Variants in FAM153A observed in about 807,000 individuals in gnomAD.
FAM153A encodes the protein protein FAM153A.
FAM153A carries 12 observed loss-of-function variants against 48.1 expected under a neutral mutation model. The observed-to-expected ratio is 0.25, with a 90% CI of 0.16 to 0.40. The LOEUF is 0.40. FAM153A is among the 10% of genes least tolerant of loss of function. The pLI is 1.00. For missense variants in FAM153A, 111 were observed against 345.8 expected, an observed-to-expected ratio of 0.32 and a Z score of 5.38; for synonymous variants, 36 against 118.2, an observed-to-expected ratio of 0.30 and a Z score of 4.51.
Position 177,734,047 on chromosome 5 carries a change from C to T in FAM153A, c.760+333G>A, listed in dbSNP as rs1764291871. On this transcript the variant is annotated intron_variant, in intron 14 of 20. Coordinates refer to ENST00000614127, the Ensembl canonical transcript of FAM153A. The stretch of plus-strand genomic sequence containing the variant: ...TGGAAATCTCTGTTGAGAATGTGGA[C>T]ACTAGAAAATCCGGGGATATGTAGT... 2.6e-5 allele frequency among the ~76,000 whole-genome samples: 3 copies of T among 116,448 alleles called. 1 individual carries two copies. The South Asian group carries it at 9.6e-4, about 37-fold the overall frequency. The allele number at this position is 116,448 out of a possible 152,430, so 76.4% of individuals were successfully genotyped here.
downstream of FAM153A, among the ~76,000 whole-genome samples, chr5:177,708,559 A>G (rs1326625726): frequency 6.6e-6 from 1 of 151,668 alleles, no homozygotes; most frequent in Non-Finnish European, 1.5e-5. Context: ...CCTGGGCAAC[A>G]AGAGCGAAAC....
In FAM153A at chr5:177,766,178, A is replaced by AAAGACAAG. The variant is rs1216765852; in HGVS notation, c.-57+14263_-57+14270dup. Among the ~76,000 whole-genome samples the AAAGACAAG allele has an allele frequency of 2.8e-5, 3 of 106,806 alleles. 1 individual carries two copies. The East Asian group carries it at 9.6e-4, about 34-fold the overall frequency. 70.1% of individuals were successfully genotyped at this position (106,806 alleles called of 152,430 possible). A position where few individuals can be genotyped will look rare whatever the true frequency, so the allele number is the denominator to read the frequency against. On this transcript the variant is annotated intron_variant, in intron 1 of 8. Coordinates refer to the FAM153A transcript ENST00000393518. ...TGCCAATAGGATAAAAAAAAAAAAG[A>AAAGACAAG]AAGACAAGTACTGAGCTTCAAAATG...
At position 177,770,712 on chromosome 5, in the gene FAM153A, T is replaced by C; in HGVS notation, c.-57+9737A>G. On this transcript the variant is annotated intron_variant, in intron 1 of 8. Transcript: ENST00000393518. The stretch of plus-strand genomic sequence containing the variant: ...GTCCAAATTCACAGAATGTACAGTA[T>C]TAAGAATGGAGCCTGATGTCAACTA... Among the ~76,000 whole-genome samples, 2 of 96,216 alleles carry C rather than the reference T, an allele frequency of 2.1e-5. 1 individual carries two copies. The highest frequency in any genetic ancestry group is 4.3e-5 in the Non-Finnish European group (2 of 46,592). The allele number at this position is 96,216 out of a possible 152,430, so 63.1% of individuals were successfully genotyped here. A position where few individuals can be genotyped will look rare whatever the true frequency, so the allele number is the denominator to read the frequency against.
chr5:177,758,976 GGATCTAATTAAACTAAAGA>G (rs1768031660), intron 1 of FAM153A, among the ~76,000 whole-genome samples: 1 of 151,716 alleles, frequency 6.6e-6, no homozygotes, highest in South Asian at 2.1e-4. Context: ...TTAACAAATG[GGATCTAATTAAACTAAAGA>G]GCTTCTGCAC....
At chr5:177,710,665 A>AT (rs1758332596), downstream of FAM153A, among the ~76,000 whole-genome samples, 1 of 145,520 alleles carries the variant, frequency 6.9e-6, no homozygotes, top group Non-Finnish European at 1.5e-5. Flanking sequence ...TAATCCCAGC[A>AT]TTTTGGGAGG....
chr5:177,769,316 T>G (rs1273923263), intron 1 of FAM153A, among the ~76,000 whole-genome samples: 2 of 96,520 alleles, frequency 2.1e-5, no homozygotes, highest in East Asian at 3.1e-4. Context: ...AGTATAATTT[T>G]TTATTTTATT....
At chr5:177,755,883 G>A (rs1767676771), upstream of FAM153A, among the ~76,000 whole-genome samples, 1 of 150,124 alleles carries the variant, frequency 6.7e-6, no homozygotes, top group Admixed American at 6.6e-5. Flanking sequence ...GTAAAACCAT[G>A]CCAAATTGTA....
chr5:177,710,541 C>T (rs1321902212), downstream of FAM153A, among the ~76,000 whole-genome samples: 11 of 151,194 alleles, frequency 7.3e-5, 1 homozygote, highest in Admixed American at 2.6e-4. Flanking sequence ...TTTTGTGATC[C>T]GTGTTCAAAA....
chr5:177,699,007 C>T, the FAM153A span, among the ~76,000 whole-genome samples: 1 of 151,646 alleles, frequency 6.6e-6, no homozygotes, highest in Non-Finnish European at 1.5e-5. Flanking sequence ...CACTATATTC[C>T]CTAGGCTGGT....
downstream of FAM153A, among the ~76,000 whole-genome samples, chr5:177,704,855 C>CT (rs1260716526): frequency 2.0e-5 from 3 of 151,346 alleles, no homozygotes; most frequent in African/African-American, 7.4e-5. Flanking sequence ...AAAAAATCAG[C>CT]TGGACATGGT....
chr5:177,715,566 C>T (rs1174901255), intron 25 of FAM153A, among the ~76,000 whole-genome samples: 10 of 151,448 alleles, frequency 6.6e-5, no homozygotes, highest in Non-Finnish European at 1.2e-4. Context: ...AGGTTCACTC[C>T]ACATCCTGTC....
At chr5:177,759,220 C>G (rs1056738191) in intron 1 of FAM153A, among the ~76,000 whole-genome samples, 6 of 151,808 alleles carry the variant, frequency 4.0e-5, no homozygotes, top group Non-Finnish European at 5.9e-5. Flanking sequence ...TGAAAAAATG[C>G]TCATCATCAC....
At chr5:177,705,666 T>C (rs1409296152), downstream of FAM153A, among the ~76,000 whole-genome samples, 1 of 135,342 alleles carries the variant, frequency 7.4e-6, no homozygotes, top group Non-Finnish European at 1.6e-5. Flanking sequence ...TTCTTTTTTT[T>C]TTTTTTTTTT....
intron 18 of FAM153A, among the ~76,000 whole-genome samples, chr5:177,728,645 G>T (rs904690): frequency 6.8e-6 from 1 of 146,968 alleles, no homozygotes; most frequent in Non-Finnish European, 1.5e-5. Flanking sequence ...TTGGCTCACC[G>T]CAACCTCTAC....
chr5:177,709,725 C>T (rs1177977458), downstream of FAM153A, among the ~76,000 whole-genome samples: 1 of 120,578 alleles, frequency 8.3e-6, no homozygotes, highest in African/African-American at 3.2e-5. Context: ...GGCCAGAGTG[C>T]GGTGGCACAA....
intron 1 of FAM153A, chr5:177,753,126 T>C (rs752930647): frequency 4.6e-6 from 7 of 1,538,142 alleles, no homozygotes; most frequent in Non-Finnish European, 6.2e-6. Flanking sequence ...ACAGGAAAAC[T>C]GGCTCATCTG....
chr5:177,761,520 T>C (rs954939456), intron 1 of FAM153A, among the ~76,000 whole-genome samples: 3 of 151,556 alleles, frequency 2.0e-5, no homozygotes, highest in African/African-American at 4.9e-5. Context: ...CCTGGGCAAC[T>C]GTCCCCTGTG....
At chr5:177,712,597 C>T (rs547862528) in exon 27 of FAM153A, 14 of 151,878 alleles carry the variant, frequency 9.2e-5, no homozygotes, top group African/African-American at 3.1e-4. Context: ...TGGTATACCA[C>T]GTGGTTACTG....
At chr5:177,695,911 C>CG in the FAM153A span, among the ~76,000 whole-genome samples, 1 of 109,852 alleles carries the variant, frequency 9.1e-6, no homozygotes, top group Non-Finnish European at 1.8e-5. Flanking sequence ...ACTTCCCAGA[C>CG]AGGGTGGCCG....
Sources: allele counts gnomAD v4.1 joint callset (sites outside exome capture counted in the v4.1 genomes callset), GRCh38; gene constraint gnomAD v4.1.1; transcripts MANE v1.5; gene names NCBI Gene and HGNC (gene_info 2026-07-23, HGNC 2026-07-21).